XPO4: variants seen among roughly 807,000 people sequenced by gnomAD.
The protein encoded by XPO4 is exportin 4, also known as exportin-4.
In XPO4, 39 loss-of-function variants were observed where a neutral mutation model predicts 143.0. The ratio of observed to expected loss-of-function variants is 0.27; its 90% CI spans 0.21 to 0.36. The LOEUF (loss-of-function observed/expected upper bound fraction) is 0.36. Among genes scored for constraint, XPO4 ranks in the 10% least tolerant of loss-of-function variants. The pLI is 1.00. For synonymous variants in XPO4, 439 were observed against 474.0 expected (o/e 0.93, Z 0.96); for missense variants, 907 against 1,348.0 (o/e 0.67, Z 5.12).
chr13:20,789,315 T>G (rs2059245975), intron 19 of XPO4, among the ~76,000 whole-genome samples: 1 of 152,124 alleles, frequency 6.6e-6, no homozygotes, highest in Admixed American at 6.5e-5. Flanking sequence ...AAGCACACGG[T>G]TAGATCCTGC....
intron 16 of XPO4, 129 bp from the exon 17 acceptor site, chr13:20,797,186 T>C: frequency 2.2e-6 from 2 of 916,374 alleles, no homozygotes; most frequent in African/African-American, 1.7e-5. Flanking sequence ...ACAAAGAATA[T>C]CTAAACCAGA....
chr13:20,878,748 G>C (rs1480738660), intron 1 of XPO4, among the ~76,000 whole-genome samples: 1 of 152,130 alleles, frequency 6.6e-6, no homozygotes, highest in Admixed American at 6.6e-5. Flanking sequence ...GGACTCAAAG[G>C]GGGCTTCAAT....
intron 4 of XPO4, among the ~76,000 whole-genome samples, chr13:20,845,873 A>G (rs1347279479): frequency 6.6e-6 from 1 of 152,158 alleles, no homozygotes; most frequent in Non-Finnish European, 1.5e-5. Context: ...CCAAGATCCT[A>G]GGATCCTGAA....
chr13:20,885,467 C>T (rs564719054), intron 1 of XPO4, among the ~76,000 whole-genome samples: 1 of 152,194 alleles, frequency 6.6e-6, no homozygotes, highest in Admixed American at 6.5e-5. Flanking sequence ...ATCACATGCA[C>T]ACACAGTAAG....
chr13:20,849,662 C>A, intron 4 of XPO4: 1 of 984,786 alleles, frequency 1.0e-6, no homozygotes, highest in South Asian at 4.7e-5. Flanking sequence ...AATAATCATA[C>A]AGGCATAAAT....
chr13:20,807,000 G>C (rs2059516351), intron 13 of XPO4, among the ~76,000 whole-genome samples: 1 of 151,966 alleles, frequency 6.6e-6, no homozygotes, highest in South Asian at 2.1e-4. Flanking sequence ...TTCACATTTA[G>C]AATACATATT....
At chr13:20,804,130 T>C (rs1024495932) in intron 13 of XPO4, among the ~76,000 whole-genome samples, 1 of 141,982 alleles carries the variant, frequency 7.0e-6, no homozygotes, top group Non-Finnish European at 1.5e-5. Context: ...ATACACTATA[T>C]ATACATACAC....
intron 7 of XPO4, among the ~76,000 whole-genome samples, chr13:20,822,759 C>A (rs2059736266): frequency 6.6e-6 from 1 of 152,208 alleles, no homozygotes; most frequent in African/African-American, 2.4e-5. Flanking sequence ...CCTAGACATT[C>A]ATGCATTCAT....
chr13:20,829,193 A>G (rs904852475), intron 6 of XPO4, among the ~76,000 whole-genome samples: 1 of 152,158 alleles, frequency 6.6e-6, no homozygotes, highest in African/African-American at 2.4e-5. Context: ...CCTGAGCTCA[A>G]GTGATCCTCC....
intron 10 of XPO4, 85 bp downstream of exon 10, chr13:20,809,706 T>C: frequency 7.1e-7 from 1 of 1,406,048 alleles, no homozygotes; most frequent in Non-Finnish European, 9.4e-7. Flanking sequence ...CCATCCTAAA[T>C]TTCTGGCATT....
At chr13:20,894,611 C>T (rs891575363) in intron 1 of XPO4, among the ~76,000 whole-genome samples, 9 of 151,968 alleles carry the variant, frequency 5.9e-5, no homozygotes, top group African/African-American at 9.7e-5. Flanking sequence ...GAGGCCAAGG[C>T]AGGTGGATCA....
At chr13:20,858,922 G>GTATATATA (rs59921874) in intron 3 of XPO4, among the ~76,000 whole-genome samples, 52 of 148,790 alleles carry the variant, frequency 3.5e-4, no homozygotes, top group African/African-American at 5.9e-4. Context: ...ATGTGTGTGT[G>GTATATATA]TATATATATA....
chr13:20,896,790 TTC>T (rs2060573983), intron 1 of XPO4, among the ~76,000 whole-genome samples: 1 of 152,246 alleles, frequency 6.6e-6, no homozygotes, highest in Admixed American at 6.5e-5. Context: ...CCCGTTTTAC[TTC>T]TGAGGATATC....
chr13:20,855,838 T>C lies in XPO4; in HGVS notation c.318-73A>G. ...AAGAATACTCCCAAACTTCTCTCTA[T>C]GCCTGAAGCTACTAATAACATTGCT... On this transcript the variant is annotated intron_variant, in intron 3 of 22. Coordinates refer to ENST00000255305, the MANE Select transcript of XPO4 (RefSeq NM_022459.5). 5.7e-6 allele frequency: 8 copies of C among 1,412,314 alleles called. No homozygotes were observed. In the South Asian group the frequency reaches 5.8e-5, roughly 10 times the overall value. The allele number at this position is 1,412,314 out of a possible 1,614,324, so 87.5% of individuals were successfully genotyped here.
chr13:20,789,875 C>A (rs980473118), intron 19 of XPO4, among the ~76,000 whole-genome samples: 10 of 152,070 alleles, frequency 6.6e-5, no homozygotes, highest in Non-Finnish European at 1.5e-4. Context: ...TGACAAGAGA[C>A]CTCCCTCTGT....
intron 1 of XPO4, among the ~76,000 whole-genome samples, chr13:20,881,329 C>T (rs767370125): frequency 1.3e-5 from 2 of 151,860 alleles, no homozygotes; most frequent in Non-Finnish European, 2.9e-5. Flanking sequence ...AGTGCAGTGG[C>T]AAAATTTCGG....
intron 4 of XPO4, among the ~76,000 whole-genome samples, chr13:20,854,960 T>G (rs754462126): frequency 3.3e-5 from 5 of 152,214 alleles, no homozygotes; most frequent in Non-Finnish European, 7.3e-5. Flanking sequence ...CAAACACTTC[T>G]GTATTCACTA....
rs550897760 is a variant in XPO4 at position 20,785,950 on chromosome 13, AAGAT to A, written c.3258+1011_3258+1014del. 5.1e-3 allele frequency among the ~76,000 whole-genome samples: 744 copies of A among 145,624 alleles called. 1 individual carries two copies. The highest frequency in any genetic ancestry group is 8.4e-3 in the Admixed American group (120 of 14,240). ...GGAAAGAAAAGAAAAATGAAAGAAA[AAGAT>A]AGAAAAAAGAAAAGAAAAAGAGAGG... On this transcript the variant is annotated intron_variant, in intron 22 of 22. Transcript: ENST00000255305.
At chr13:20,862,911 C>G in intron 2 of XPO4, 53 bp from the exon 3 acceptor site, 1 of 1,596,264 alleles carries the variant, frequency 6.3e-7, no homozygotes, top group Non-Finnish European at 8.5e-7. Flanking sequence ...TTACCTTGCA[C>G]ATTTTGCATT....
Sources: gnomAD v4.1 joint callset for allele counts (sites outside exome capture counted in the v4.1 genomes callset) on GRCh38, gnomAD v4.1.1 for gene constraint, MANE v1.5 for transcripts, NCBI Gene and HGNC (gene_info 2026-07-23, HGNC 2026-07-21) for gene names.